Variants in CCDC60 observed in about 807,000 individuals in gnomAD.
CCDC60 encodes coiled-coil domain containing 60, also known as coiled-coil domain-containing protein 60.
CCDC60 carries 54 observed loss-of-function variants against 63.5 expected under a neutral mutation model. The ratio of observed to expected loss-of-function variants is 0.85; its 90% confidence interval spans 0.68 to 1.07. The LOEUF is 1.07. Among genes scored for constraint, CCDC60 ranks in the 50% least tolerant of loss-of-function variants. The pLI is 0.00. For missense variants in CCDC60, 651 were observed against 684.3 expected, an observed-to-expected ratio of 0.95 and a Z score of 0.54; for synonymous variants, 206 against 238.8, an observed-to-expected ratio of 0.86 and a Z score of 1.27.
intron 2 of CCDC60, among the ~76,000 whole-genome samples, chr12:119,462,836 A>ATTTT (rs869128711): frequency 1.6e-5 from 2 of 122,230 alleles, no homozygotes; most frequent in East Asian, 4.7e-4. Flanking sequence ...TTATTTATTT[A>ATTTT]TTTTTGAGAC....
chr12:119,501,862 G>A (rs1951861336), intron 6 of CCDC60, among the ~76,000 whole-genome samples: 1 of 152,160 alleles, frequency 6.6e-6, no homozygotes, highest in Non-Finnish European at 1.5e-5. Context: ...GGGCATGGGG[G>A]AGCACTCAAT....
chr12:119,521,948 G>T (rs1952541432), intron 9 of CCDC60, among the ~76,000 whole-genome samples: 1 of 152,190 alleles, frequency 6.6e-6, no homozygotes, highest in South Asian at 2.1e-4. Context: ...CTAGGCCTAA[G>T]ACCTCCAGGT....
At chr12:119,502,577 A>G (rs1007284806) in intron 6 of CCDC60, among the ~76,000 whole-genome samples, 2 of 152,344 alleles carry the variant, frequency 1.3e-5, no homozygotes, top group East Asian at 1.9e-4. Flanking sequence ...GCCAGTTTCA[A>G]TTAATCACAA....
chr12:119,446,175 A>AT (rs1200161972), intron 2 of CCDC60, among the ~76,000 whole-genome samples: 1 of 152,236 alleles, frequency 6.6e-6, no homozygotes, highest in Non-Finnish European at 1.5e-5. Context: ...TCAAAAAAAA[A>AT]GCTTACATAG....
chr12:119,367,715 A>G (rs1308368040), intron 1 of CCDC60, among the ~76,000 whole-genome samples: 1 of 152,240 alleles, frequency 6.6e-6, no homozygotes, highest in Non-Finnish European at 1.5e-5. Context: ...ATACTAATGC[A>G]ACCTGCAACA....
intron 1 of CCDC60, among the ~76,000 whole-genome samples, chr12:119,391,391 G>A (rs567159854): frequency 6.6e-6 from 1 of 152,338 alleles, no homozygotes; most frequent in Admixed American, 6.5e-5. Context: ...TGAAGTACCA[G>A]ACAATACCTT....
At chr12:119,360,446 C>A (rs931998337) in intron 1 of CCDC60, among the ~76,000 whole-genome samples, 2 of 151,938 alleles carry the variant, frequency 1.3e-5, no homozygotes, top group Non-Finnish European at 2.9e-5. Context: ...ACGCTCCTCA[C>A]TTCCCAGACG....
At chr12:119,527,662 C>CTTT (rs1952716549) in intron 11 of CCDC60, among the ~76,000 whole-genome samples, 3 of 93,266 alleles carry the variant, frequency 3.2e-5, no homozygotes, top group African/African-American at 9.3e-5. Context: ...TTCTTTCTTT[C>CTTT]TTTCTTTTTT....
chr12:119,407,352 A>G (rs1402864001), intron 1 of CCDC60, among the ~76,000 whole-genome samples: 1 of 147,864 alleles, frequency 6.8e-6, no homozygotes, highest in East Asian at 2.1e-4. Context: ...ACAAAAAAAA[A>G]GAAAAGAAAA....
intron 2 of CCDC60, among the ~76,000 whole-genome samples, chr12:119,457,532 A>G (rs897900534): frequency 6.6e-6 from 1 of 152,252 alleles, no homozygotes; most frequent in Non-Finnish European, 1.5e-5. Flanking sequence ...CACTCAGAAT[A>G]TGTTTGCAAT....
chr12:119,472,170 T>A lies in CCDC60; in HGVS notation c.341+6T>A. ...TATGGGGACACCTTATTGAGGTAAG[T>A]GGATGCAGTAGCTGTGGCACTGAAG... On this transcript the variant is annotated splice_donor_region_variant and intron_variant, in intron 3 of 13. Transcript: ENST00000327554. 6.2e-7 allele frequency: 1 copy of A among 1,613,322 alleles called. No individual in the cohort carries two copies. Among genetic ancestry groups the A allele is most frequent in the Non-Finnish European group, 8.5e-7 (1 of 1,179,638 alleles).
intron 13 of CCDC60, among the ~76,000 whole-genome samples, chr12:119,535,926 T>G (rs2087259504): frequency 6.6e-6 from 1 of 152,208 alleles, no homozygotes; most frequent in African/African-American, 2.4e-5. Context: ...AGATGTCTAT[T>G]AGGTCTGCTT....
chr12:119,489,506 A>G (rs1280591856), intron 5 of CCDC60, among the ~76,000 whole-genome samples: 1 of 152,208 alleles, frequency 6.6e-6, no homozygotes, highest in African/African-American at 2.4e-5. Flanking sequence ...TGTCCGCACC[A>G]GAGGAGAGAG....
At chr12:119,411,808 G>T (rs1359885891) in intron 1 of CCDC60, among the ~76,000 whole-genome samples, 2 of 151,942 alleles carry the variant, frequency 1.3e-5, no homozygotes, top group Admixed American at 6.6e-5. Flanking sequence ...ACCATGTTTT[G>T]GGGTATCATG....
In CCDC60 at chr12:119,456,920, A is replaced by G. The variant is rs144760630; in HGVS notation, c.171-15074A>G. 6.6e-3 allele frequency among the ~76,000 whole-genome samples: 1,007 copies of G among 152,256 alleles called. 8 individuals carry two copies. The highest frequency in any genetic ancestry group is 0.023 in the African/African-American group (949 of 41,550). On this transcript the variant is annotated intron_variant, in intron 2 of 13. Coordinates refer to ENST00000327554, the MANE Select transcript of CCDC60 (RefSeq NM_178499.5). The surrounding 1 kb of genome is among the most constrained non-coding windows in gnomAD (Gnocchi z 4.6). ...GATCTGTATTTTGTGCCTACCTCCT[A>G]TCTCATCCAGTGACTTAGAATGCTT...
At chr12:119,530,848 CTT>C in intron 12 of CCDC60, 24 bp from the exon 13 acceptor site, 1 of 1,600,146 alleles carries the variant, frequency 6.2e-7, no homozygotes, top group Non-Finnish European at 8.5e-7. Context: ...AGCTTCCTAA[CTT>C]GTCCTCTCCT....
At position 119,472,037 on chromosome 12, in the gene CCDC60, A is replaced by C. The variant is rs1396533162; in HGVS notation, c.214A>C (p.Ile72Leu). 1 of 1,613,972 alleles carries C rather than the reference A, an allele frequency of 6.2e-7. No homozygotes were observed. Residue 72 changes from isoleucine to leucine, a missense_variant, in exon 3 of 14, where the codon ATT becomes CTT. Transcript: ENST00000327554. ...GAAGATAGGCCGTGGATATTTTGCT[A>C]TTCTGAGGGAAGAGACTGCAAAGAA... ...SVKIGRGYFA[I>L]LREETAKKKK...
intron 13 of CCDC60, among the ~76,000 whole-genome samples, chr12:119,533,467 G>T (rs1438440870): frequency 1.3e-5 from 2 of 152,216 alleles, no homozygotes; most frequent in East Asian, 3.8e-4. Flanking sequence ...CATTGCTTTT[G>T]GTGTTTTAGT....
At chr12:119,399,776 C>T (rs1005924419) in intron 1 of CCDC60, among the ~76,000 whole-genome samples, 1 of 152,210 alleles carries the variant, frequency 6.6e-6, no homozygotes, top group Non-Finnish European at 1.5e-5. Flanking sequence ...CACTGGGCAT[C>T]CAGCTTAGCC....
Sources: allele counts gnomAD v4.1 joint callset (sites outside exome capture counted in the v4.1 genomes callset), GRCh38; gene constraint gnomAD v4.1.1; non-coding constraint Gnocchi (gnomAD v3.1); transcripts MANE v1.5; gene names NCBI Gene and HGNC (gene_info 2026-07-23, HGNC 2026-07-21).